The following BCAS3 variants were observed in gnomAD, a reference collection of about 807,000 sequenced individuals.
BCAS3 encodes BCAS4/BCAS3 fusion.
In BCAS3, 53 loss-of-function variants were observed where a neutral mutation model predicts 116.1. That is an observed-to-expected ratio of 0.46 (90% CI 0.37 to 0.57). The LOEUF (loss-of-function observed/expected upper bound fraction) is 0.57. Among genes scored for constraint, BCAS3 ranks in the 20% least tolerant of loss-of-function variants. BCAS3 has a pLI of 0.00. For missense variants in BCAS3, 917 were observed against 1,165.4 expected (o/e 0.79, Z 3.10); for synonymous variants, 391 against 408.2 (o/e 0.96, Z 0.51).
intron 4 of BCAS3, among the ~76,000 whole-genome samples, chr17:60,695,022 T>G (rs1240082775): frequency 6.6e-6 from 1 of 152,190 alleles, no homozygotes; most frequent in African/African-American, 2.4e-5. Context: ...CTATTTCACT[T>G]AACATAATGT....
At position 60,704,689 on chromosome 17, in the gene BCAS3, T is replaced by C. The variant is rs373518040; in HGVS notation, c.215-4530T>C. On this transcript the variant is annotated intron_variant, in intron 4 of 23. Coordinates refer to ENST00000407086, the MANE Select transcript of BCAS3 (RefSeq NM_017679.5). ...TACCCCATCTCTACTAGTACAAAAATTAGCCGGGCATGGTGGTGCGTGCCT... is the reference window on the plus strand; with the variant it reads ...TACCCCATCTCTACTAGTACAAAAACTAGCCGGGCATGGTGGTGCGTGCCT... Among the ~76,000 whole-genome samples, 35 of 151,906 alleles carry C rather than the reference T, an allele frequency of 2.3e-4. No homozygotes were observed. In the East Asian group the frequency reaches 6.4e-3, roughly 28 times the overall value.
intron 3 of BCAS3, among the ~76,000 whole-genome samples, chr17:60,686,860 A>G (rs530412041): frequency 6.6e-6 from 1 of 152,320 alleles, no homozygotes; most frequent in Non-Finnish European, 1.5e-5. Context: ...CAACAAAGAA[A>G]AAGTTGAAGC....
At chr17:61,089,460 T>A (rs1013530489) in intron 22 of BCAS3, among the ~76,000 whole-genome samples, 1 of 140,732 alleles carries the variant, frequency 7.1e-6, no homozygotes, top group Admixed American at 7.5e-5. Context: ...GTTCATGGAC[T>A]GGGGGAAGAG....
At chr17:60,744,907 A>C (rs2041902976) in intron 5 of BCAS3, among the ~76,000 whole-genome samples, 1 of 152,198 alleles carries the variant, frequency 6.6e-6, no homozygotes, top group Non-Finnish European at 1.5e-5. Context: ...TTTGCTGAAA[A>C]GTGTTGTATA....
chr17:61,045,078 C>G (rs186165185), intron 19 of BCAS3, among the ~76,000 whole-genome samples: 6 of 152,078 alleles, frequency 3.9e-5, no homozygotes, highest in African/African-American at 1.4e-4. Flanking sequence ...CTTTTTAAAA[C>G]TGTAAAATAG....
chr17:60,795,030 T>C (rs7210374), intron 6 of BCAS3, among the ~76,000 whole-genome samples: 42,059 of 152,122 alleles, frequency 0.28, 11,479 homozygotes, highest in African/African-American at 0.71. Context: ...TCTACCCATC[T>C]GCGAGCGTGA....
In BCAS3 at chr17:61,070,413, TA is replaced by T. The variant is rs199755946; in HGVS notation, c.2030-4499del. The T allele has an allele frequency of 2.6e-4, 33 of 128,478 alleles. 1 individual carries two copies. Among genetic ancestry groups the T allele is most frequent in the Non-Finnish European group, 4.1e-4 (26 of 62,824 alleles). 8.0% of individuals were successfully genotyped at this position (128,478 alleles called of 1,614,324 possible). A position where few individuals can be genotyped will look rare whatever the true frequency, so the allele number is the denominator to read the frequency against. On this transcript the variant is annotated intron_variant, in intron 19 of 23. Transcript: ENST00000407086. ...TATATATATATATCTTTTCACCATT[TA>T]AAAAAAATAGAAAGGAAGCTTTTTT...
At chr17:60,969,543 C>A (rs560604400) in intron 14 of BCAS3, among the ~76,000 whole-genome samples, 70 of 152,038 alleles carry the variant, frequency 4.6e-4, no homozygotes, top group South Asian at 2.9e-3. Context: ...AGAGCCTTAG[C>A]AACTTGTGGG....
chr17:60,785,204 G>T (rs2046188807), intron 6 of BCAS3, among the ~76,000 whole-genome samples: 1 of 152,104 alleles, frequency 6.6e-6, no homozygotes, highest in African/African-American at 2.4e-5. Flanking sequence ...TGTCACCCAG[G>T]CTGGAGTGCA....
Position 61,323,396 on chromosome 17 carries a change from C to T in BCAS3, c.2426-44931C>T, listed in dbSNP as rs1282319430. Among the ~76,000 whole-genome samples, 3 of 152,146 alleles carry T rather than the reference C, an allele frequency of 2.0e-5. No homozygotes were observed. Among genetic ancestry groups the T allele is most frequent in the Admixed American group, 6.5e-5 (1 of 15,276 alleles). On this transcript the variant is annotated intron_variant, in intron 22 of 23. Coordinates refer to ENST00000407086, the MANE Select transcript of BCAS3 (RefSeq NM_017679.5). The surrounding 1 kb of genome is among the most constrained non-coding windows in gnomAD (Gnocchi z 4.6). ...AGTTAGCATAAGGGAGTTCCAGCCC[C>T]GGGTTCTAGTCTCAGCTTTGACCCT...
At position 61,026,659 on chromosome 17, in the gene BCAS3, C is replaced by G. The variant is rs546789540; in HGVS notation, c.1638-8007C>G. ...GGGAGAAATAGAAAATTTTGAATCT[C>G]TAACTCTGAAAATTAAGGGCCTTGT... On this transcript the variant is annotated intron_variant, in intron 16 of 23. Coordinates refer to ENST00000407086, the MANE Select transcript of BCAS3 (RefSeq NM_017679.5). This position sits in a 1 kb window ranked among gnomAD's most constrained non-coding sequence, Gnocchi z 5.0. Among the ~76,000 whole-genome samples, 1 of 151,930 alleles carries G rather than the reference C, an allele frequency of 6.6e-6. No homozygotes were observed. Among genetic ancestry groups the G allele is most frequent in the Admixed American group, 6.6e-5 (1 of 15,216 alleles).
intron 19 of BCAS3, among the ~76,000 whole-genome samples, chr17:61,072,348 C>T (rs2071511275): frequency 6.6e-6 from 1 of 152,078 alleles, no homozygotes; most frequent in South Asian, 2.1e-4. Flanking sequence ...ATTCTACCTC[C>T]CACCTTCATC....
In BCAS3 at chr17:61,276,433, A is replaced by G. The variant is rs1356612447; in HGVS notation, c.2426-91894A>G. Among the ~76,000 whole-genome samples, 1 of 152,234 alleles carries G rather than the reference A, an allele frequency of 6.6e-6. No individual in the cohort carries two copies. Among genetic ancestry groups the G allele is most frequent in the Middle Eastern group, 3.2e-3 (1 of 316 alleles). On this transcript the variant is annotated intron_variant, in intron 22 of 23. Transcript: ENST00000407086. The surrounding 1 kb of genome is among the most constrained non-coding windows in gnomAD (Gnocchi z 4.2). Reference sequence around the variant, plus strand: ...AGCAAACCGCAAATAAAATTAGGAAAGCTATTTCATTTACAGTAGCATCAA... The same window carrying G: ...AGCAAACCGCAAATAAAATTAGGAAGGCTATTTCATTTACAGTAGCATCAA...
At chr17:60,722,022 T>G (rs2039294836) in intron 5 of BCAS3, among the ~76,000 whole-genome samples, 1 of 152,224 alleles carries the variant, frequency 6.6e-6, no homozygotes, top group African/African-American at 2.4e-5. Flanking sequence ...GATTTGTTTT[T>G]ATGCTATTGT....
intron 5 of BCAS3, among the ~76,000 whole-genome samples, chr17:60,714,436 A>G (rs952155232): frequency 7.9e-5 from 12 of 152,106 alleles, no homozygotes; most frequent in Non-Finnish European, 4.4e-5. Context: ...GGCCAAGGCA[A>G]GCAAGTTACT....
At position 61,376,075 on chromosome 17, in the gene BCAS3, A is replaced by G. The variant is rs748539687; in HGVS notation, c.2593+7581A>G. 2.6e-5 allele frequency among the ~76,000 whole-genome samples: 4 copies of G among 152,188 alleles called. No individual in the cohort carries two copies. The highest frequency in any genetic ancestry group is 5.9e-5 in the Non-Finnish European group (4 of 68,038). On this transcript the variant is annotated intron_variant, in intron 23 of 23. Transcript: ENST00000407086. The surrounding 1 kb of genome is among the most constrained non-coding windows in gnomAD (Gnocchi z 4.5). ...AGAGAACTTTATCCAGTCCAGCCCTAGGGGTAGATAGATGCATCCTACTGG... is the reference window on the plus strand; with the variant it reads ...AGAGAACTTTATCCAGTCCAGCCCTGGGGGTAGATAGATGCATCCTACTGG...
At chr17:61,096,380 C>T (rs571340917) in intron 22 of BCAS3, among the ~76,000 whole-genome samples, 8 of 151,862 alleles carry the variant, frequency 5.3e-5, no homozygotes, top group South Asian at 2.1e-4. Context: ...AGTCAGACCT[C>T]GTCTCTACAA....
chr17:61,322,808 G>GAGAGAGAGAGAC (rs2144824907), intron 22 of BCAS3, among the ~76,000 whole-genome samples: 2 of 129,044 alleles, frequency 1.5e-5, no homozygotes, highest in East Asian at 4.2e-4. Context: ...GAGAGAGAGA[G>GAGAGAGAGAGAC]AGAGAGAGAG....
chr17:61,201,942 T>C (rs1466515353), intron 22 of BCAS3, among the ~76,000 whole-genome samples: 2 of 151,496 alleles, frequency 1.3e-5, no homozygotes, highest in Non-Finnish European at 1.5e-5. Context: ...TTATTTTTAG[T>C]AGAGACCGGG....
Sources: allele counts gnomAD v4.1 joint callset (sites outside exome capture counted in the v4.1 genomes callset), GRCh38; gene constraint gnomAD v4.1.1; non-coding constraint Gnocchi (gnomAD v3.1); transcripts MANE v1.5; gene names NCBI Gene and HGNC (gene_info 2026-07-23, HGNC 2026-07-21).